Variants in CCDC14 observed in about 807,000 individuals in gnomAD.
CCDC14 encodes coiled-coil domain-containing protein 14.
Under a neutral mutation model 81.4 loss-of-function variants are expected in CCDC14, and 71 were observed. The observed-to-expected ratio is 0.87, with a 90% CI of 0.72 to 1.06. The LOEUF (loss-of-function observed/expected upper bound fraction) is 1.06. CCDC14 is among the 50% of genes least tolerant of loss of function. CCDC14 has a pLI of 0.00. For missense variants in CCDC14, 1,046 were observed against 1,047.3 expected, an observed-to-expected ratio of 1.00 and a Z score of 0.02; for synonymous variants, 332 against 364.8, an observed-to-expected ratio of 0.91 and a Z score of 1.03.
At chr3:123,915,810 A>T in intron 12 of CCDC14, 92 bp from the exon 13 acceptor site, 1 of 988,390 alleles carries the variant, frequency 1.0e-6, no homozygotes, top group African/African-American at 1.6e-5. Context: ...AAAGGATTTG[A>T]GAGAAGTGTC....
At chr3:123,909,481 T>C (rs1298493234), downstream of CCDC14, among the ~76,000 whole-genome samples, 1 of 152,192 alleles carries the variant, frequency 6.6e-6, no homozygotes, top group Non-Finnish European at 1.5e-5. Context: ...GTTTTAGTAA[T>C]GACTTTGGTG....
chr3:123,943,077 ATG>A (rs1378577947), intron 9 of CCDC14, among the ~76,000 whole-genome samples: 3 of 151,744 alleles, frequency 2.0e-5, no homozygotes, highest in African/African-American at 7.3e-5. Context: ...TTGTATATAA[ATG>A]TGTGTGGTGT....
chr3:123,915,387 C>G lies in CCDC14; in HGVS notation c.2110G>C (p.Ala704Pro), dbSNP rs779133904. The stretch of plus-strand genomic sequence containing the variant: ...TCATCAGAATCCTGTTTTGAAAGGG[C>G]AGAAATAATTCCAGGTGCAGATGCT... ...EEASAPGIIS[A>P]LSKQDSDEGS... The change falls in exon 13 of 13, where the codon GCC becomes CCC. Residue 704 changes from alanine to proline, a missense_variant. Transcript: ENST00000409697. 14 of 1,613,634 alleles carry G rather than the reference C, an allele frequency of 8.7e-6. No homozygotes were observed. Among genetic ancestry groups the G allele is most frequent in the Non-Finnish European group, 1.2e-5 (14 of 1,179,704 alleles).
intron 12 of CCDC14, among the ~76,000 whole-genome samples, chr3:123,929,436 G>A (rs1053228526): frequency 5.9e-5 from 9 of 151,960 alleles, no homozygotes; most frequent in Non-Finnish European, 1.0e-4. Context: ...TCGAGTAGCT[G>A]GGACTACAGG....
chr3:123,888,425 G>C, the CCDC14 span, among the ~76,000 whole-genome samples: 2 of 152,204 alleles, frequency 1.3e-5, no homozygotes, highest in African/African-American at 4.8e-5. Flanking sequence ...AAATATATAT[G>C]GTGGCTGGAC....
chr3:123,889,681 G>A, the CCDC14 span, among the ~76,000 whole-genome samples: 1 of 152,200 alleles, frequency 6.6e-6, no homozygotes, highest in Admixed American at 6.5e-5. Flanking sequence ...GGTGCAAACT[G>A]TTGGTGGATC....
chr3:123,950,874 G>A (rs1443595215), intron 5 of CCDC14, among the ~76,000 whole-genome samples: 1 of 151,908 alleles, frequency 6.6e-6, no homozygotes, highest in Non-Finnish European at 1.5e-5. Context: ...ATTACTAAAA[G>A]TGTAAAACTT....
chr3:123,923,453 A>G (rs2035165459), intron 12 of CCDC14, among the ~76,000 whole-genome samples: 1 of 152,054 alleles, frequency 6.6e-6, no homozygotes, highest in African/African-American at 2.4e-5. Flanking sequence ...AAGAGAAAAA[A>G]AATAGAAGAT....
At chr3:123,947,573 C>T (rs12639383) in intron 7 of CCDC14, among the ~76,000 whole-genome samples, 7,835 of 152,076 alleles carry the variant, frequency 0.052, 574 homozygotes, top group East Asian at 0.35. Context: ...TATGTTTGTG[C>T]AAAAACTTTT....
At chr3:123,923,964 C>A (rs1407866830) in intron 12 of CCDC14, among the ~76,000 whole-genome samples, 2 of 82,134 alleles carry the variant, frequency 2.4e-5, no homozygotes, top group African/African-American at 4.3e-5. Flanking sequence ...CATACAGAAT[C>A]ATTAAAAAAA....
At chr3:123,916,023 G>C (rs1330005567) in intron 12 of CCDC14, among the ~76,000 whole-genome samples, 4 of 141,566 alleles carry the variant, frequency 2.8e-5, no homozygotes, top group African/African-American at 5.2e-5. Flanking sequence ...AATTGAGATA[G>C]AGTCTCATTC....
In CCDC14 at chr3:123,947,337, C is replaced by T. The variant is rs73184286; in HGVS notation, c.685-18G>A. 5.8e-4 allele frequency: 914 copies of T among 1,580,678 alleles called. No homozygotes were observed. Among genetic ancestry groups the T allele is most frequent in the South Asian group, 1.2e-3 (103 of 86,340 alleles). On this transcript the variant is annotated intron_variant, in intron 7 of 12. Transcript: ENST00000409697. Reference sequence around the variant, plus strand: ...TGAACTTCCTAAAGAAAGATAAAAACAAGTCTTCAGAAGTATGAGCACTCA... The same window carrying T: ...TGAACTTCCTAAAGAAAGATAAAAATAAGTCTTCAGAAGTATGAGCACTCA...
In CCDC14 at chr3:123,923,967, T is replaced by TAA. The variant is rs35674177; in HGVS notation, c.1778+7133_1778+7134dup. On this transcript the variant is annotated intron_variant, in intron 12 of 12. Transcript: ENST00000409697. ...TATCCTAAAATTCATACAGAATCAT[T>TAA]AAAAAAAAAAAAACCCTTGAAAAGC... is the stretch of plus-strand genomic sequence containing the variant. 3.0e-3 allele frequency among the ~76,000 whole-genome samples: 423 copies of TAA among 141,040 alleles called. 1 individual carries two copies. Among genetic ancestry groups the TAA allele is most frequent in the African/African-American group, 5.2e-3 (201 of 38,764 alleles). 92.5% of individuals were successfully genotyped at this position (141,040 alleles called of 152,430 possible).
chr3:123,961,183 C>A lies in CCDC14; in HGVS notation c.-10G>T. 1.3e-6 allele frequency: 2 copies of A among 1,551,664 alleles called. No homozygotes were observed. The highest frequency in any genetic ancestry group is 1.7e-6 in the Non-Finnish European group (2 of 1,146,996). On this transcript the variant is annotated 5_prime_UTR_variant, in exon 1 of 13. Transcript: ENST00000409697. Reference sequence around the variant, plus strand: ...CTCCAGACCTGACCATCTCTCGCCGCCTCAGAGAAGCCCAGACCGAGGGAA... The same window carrying A: ...CTCCAGACCTGACCATCTCTCGCCGACTCAGAGAAGCCCAGACCGAGGGAA...
chr3:123,935,160 C>T (rs1408287540), intron 9 of CCDC14, among the ~76,000 whole-genome samples: 1 of 151,922 alleles, frequency 6.6e-6, no homozygotes, highest in East Asian at 1.9e-4. Flanking sequence ...ATAGAAATGG[C>T]CTATAAGCAT....
Position 123,944,341 on chromosome 3 carries a change from A to T in CCDC14, c.1343+508T>A, listed in dbSNP as rs546423267. Among the ~76,000 whole-genome samples, 12 of 152,232 alleles carry T rather than the reference A, an allele frequency of 7.9e-5. No individual in the cohort carries two copies. In the South Asian group the frequency reaches 2.5e-3, roughly 32 times the overall value. On this transcript the variant is annotated intron_variant, in intron 9 of 12. Transcript: ENST00000409697. ...ATAAAATATAAGTGGTAGCGAAACG[A>T]TCACTTCTGGGTTGAGCCATGTAAG...
chr3:123,905,597 G>A (rs2034290693), intron 5 of CCDC14, among the ~76,000 whole-genome samples: 1 of 152,192 alleles, frequency 6.6e-6, no homozygotes, highest in East Asian at 1.9e-4. Flanking sequence ...CCAGACTGAA[G>A]TAACAGAGGT....
At chr3:123,958,851 G>C (rs1310128059) in intron 1 of CCDC14, 2 of 151,862 alleles carry the variant, frequency 1.3e-5, no homozygotes, top group African/African-American at 4.8e-5. Flanking sequence ...GTTTCTATGA[G>C]TTTTAACTAT....
chr3:123,897,616 G>A, intron 5 of CCDC14: 1 of 1,174,432 alleles, frequency 8.5e-7, no homozygotes, highest in South Asian at 1.6e-5. Flanking sequence ...TAAAAAGTCT[G>A]AAAGAATAGA....
Sources: gnomAD v4.1 joint callset for allele counts (sites outside exome capture counted in the v4.1 genomes callset) on GRCh38, gnomAD v4.1.1 for gene constraint, MANE v1.5 for transcripts, NCBI Gene and HGNC (gene_info 2026-07-23, HGNC 2026-07-21) for gene names.